Variants in FBXO16 observed in about 807,000 individuals in gnomAD.
FBXO16 encodes F-box protein 16.
Under a neutral mutation model 41.0 loss-of-function variants are expected in FBXO16, and 31 were observed. The ratio of observed to expected loss-of-function variants is 0.76; its 90% CI spans 0.57 to 1.02. The LOEUF is 1.02. Ranked by LOEUF, FBXO16 falls within the 50% of genes least tolerant of loss-of-function variation. The probability of loss-of-function intolerance (pLI) is 0.00; values close to 1 mark genes in which losing one functional copy is unlikely to be tolerated. For missense variants in FBXO16, 361 were observed against 346.2 expected, an observed-to-expected ratio of 1.04 and a Z score of -0.34; for synonymous variants, 133 against 117.8, an observed-to-expected ratio of 1.13 and a Z score of -0.84.
At position 28,484,661 on chromosome 8, in the gene FBXO16, G is replaced by A. The variant is rs1291147411; in HGVS notation, c.-16-1199C>T. 3.9e-5 allele frequency among the ~76,000 whole-genome samples: 6 copies of A among 152,156 alleles called. No individual in the cohort carries two copies. In the South Asian group the frequency reaches 1.0e-3, roughly 26 times the overall value. ...GGCTGGAGGGCAGTAGTACGATCTC[G>A]GCTCACTGCAAGCTCCGCCTTCCGG... On this transcript the variant is annotated intron_variant, in intron 1 of 8. Transcript: ENST00000380254.
intron 7 of FBXO16, among the ~76,000 whole-genome samples, chr8:28,433,086 AAAC>A: frequency 7.1e-6 from 1 of 140,076 alleles, no homozygotes; most frequent in South Asian, 2.5e-4. Flanking sequence ...AACAAAAAAC[AAAC>A]AAACAAACAA....
intron 1 of FBXO16, 105 bp from the exon 2 acceptor site, chr8:28,483,567 C>A (rs1431069360): frequency 2.6e-6 from 2 of 768,598 alleles, no homozygotes; most frequent in African/African-American, 1.8e-5. Flanking sequence ...GCCTGTAATT[C>A]CAGCACTTTG....
At chr8:28,438,366 A>T (rs1802715632) in intron 7 of FBXO16, among the ~76,000 whole-genome samples, 1 of 152,106 alleles carries the variant, frequency 6.6e-6, no homozygotes, top group Non-Finnish European at 1.5e-5. Flanking sequence ...AGGAAGAGAA[A>T]AGACAAAGGG....
intron 8 of FBXO16, among the ~76,000 whole-genome samples, chr8:28,429,126 A>G (rs7833125): frequency 0.038 from 5,752 of 152,270 alleles, 288 homozygotes; most frequent in East Asian, 0.22. Context: ...GAGTATTGAC[A>G]TCATTCCCAT....
intron 1 of FBXO16, among the ~76,000 whole-genome samples, chr8:28,487,643 C>T (rs187600130): frequency 3.2e-3 from 493 of 152,082 alleles, no homozygotes; most frequent in African/African-American, 0.011. Flanking sequence ...GATCTGCCTA[C>T]CTTGGCTTCC....
intron 7 of FBXO16, among the ~76,000 whole-genome samples, chr8:28,437,193 C>A (rs374566721): frequency 5.9e-5 from 9 of 152,316 alleles, no homozygotes; most frequent in East Asian, 3.9e-4. Context: ...ATTTGTGTCA[C>A]ATATTTTGTG....
intron 7 of FBXO16, among the ~76,000 whole-genome samples, chr8:28,435,523 G>A (rs961404719): frequency 2.0e-5 from 3 of 152,076 alleles, no homozygotes; most frequent in Non-Finnish European, 2.9e-5. Flanking sequence ...GCAAAGAGGG[G>A]ATGCAGAGGG....
At chr8:28,483,084 C>T (rs545026235) in intron 2 of FBXO16, among the ~76,000 whole-genome samples, 9 of 152,034 alleles carry the variant, frequency 5.9e-5, no homozygotes, top group Admixed American at 4.6e-4. Context: ...AGAAAAATGG[C>T]GAGTGGGGTG....
At chr8:28,463,190 ATGTT>A (rs1408489447) in intron 4 of FBXO16, among the ~76,000 whole-genome samples, 6 of 146,434 alleles carry the variant, frequency 4.1e-5, no homozygotes, top group East Asian at 2.0e-4. Flanking sequence ...ATATGTGTGT[ATGTT>A]TGTGTATGTG....
At chr8:28,441,934 G>A (rs1318993950) in intron 7 of FBXO16, among the ~76,000 whole-genome samples, 292 of 122,392 alleles carry the variant, frequency 2.4e-3, no homozygotes, top group African/African-American at 0.013. Context: ...GTGTGTGTGT[G>A]TGTGTGTGTG....
rs769939024 is a variant in FBXO16, at chr8:28,452,231, T to C, written c.740+13A>G. On this transcript the variant is annotated intron_variant, in intron 6 of 8. Coordinates refer to ENST00000380254, the MANE Select transcript of FBXO16 (RefSeq NM_172366.4). ...AAAAACGAAGAAGTTGAGAAGAGCATGGAGCTTCTTACCCTTGCTGGACAG... is the reference window on the plus strand; with the variant it reads ...AAAAACGAAGAAGTTGAGAAGAGCACGGAGCTTCTTACCCTTGCTGGACAG... The C allele has an allele frequency of 1.3e-5, 21 of 1,606,096 alleles. No individual in the cohort carries two copies. In the Admixed American group the frequency reaches 3.0e-4, roughly 23 times the overall value.
chr8:28,464,948 G>A (rs190079922), intron 3 of FBXO16, among the ~76,000 whole-genome samples: 10 of 152,162 alleles, frequency 6.6e-5, no homozygotes, highest in African/African-American at 1.4e-4. Flanking sequence ...CACTGTGCCC[G>A]GCTATAAACA....
Position 28,441,692 on chromosome 8 carries a change from C to T in FBXO16, c.843+5479G>A, listed in dbSNP as rs7817705. The stretch of plus-strand genomic sequence containing the variant: ...TGGAGGTTGCAGTGAGCCGAGATCG[C>T]GCCATTGCACTCCAGCCTGGGCAAC... On this transcript the variant is annotated intron_variant, in intron 7 of 8. Transcript: ENST00000380254. Among the ~76,000 whole-genome samples, 902 of 147,400 alleles carry T rather than the reference C, an allele frequency of 6.1e-3. 12 individuals carry two copies. The highest frequency in any genetic ancestry group is 0.021 in the African/African-American group (851 of 39,938).
intron 3 of FBXO16, among the ~76,000 whole-genome samples, chr8:28,468,542 A>C (rs916691420): frequency 7.2e-5 from 11 of 152,338 alleles, no homozygotes; most frequent in Admixed American, 2.6e-4. Flanking sequence ...TAAAAGTTTC[A>C]AACAGGGCTG....
chr8:28,452,529 G>A lies in FBXO16; in HGVS notation c.508-53C>T, dbSNP rs1042924742. 3.7e-5 allele frequency: 57 copies of A among 1,555,484 alleles called. No individual in the cohort carries two copies. The East Asian group carries it at 8.8e-4, about 24-fold the overall frequency. On this transcript the variant is annotated intron_variant, in intron 5 of 8. Coordinates refer to ENST00000380254, the MANE Select transcript of FBXO16 (RefSeq NM_172366.4). ...CAAAACACTATAATACGCTGGGTGC[G>A]GTGGCTCACGCCTGTAATCCCAGCA...
At chr8:28,483,576 T>A (rs1266674008) in intron 1 of FBXO16, 114 bp from the exon 2 acceptor site, 2 of 712,404 alleles carry the variant, frequency 2.8e-6, no homozygotes, top group Non-Finnish European at 4.8e-6. Flanking sequence ...TCCAGCACTT[T>A]GGGAGGCTGA....
At chr8:28,467,393 T>C (rs17059134) in intron 3 of FBXO16, among the ~76,000 whole-genome samples, 32,784 of 152,132 alleles carry the variant, frequency 0.22, 4,505 homozygotes, top group East Asian at 0.52. Flanking sequence ...ATCAGAAATA[T>C]GTCAGCCTCG....
At chr8:28,440,987 T>C (rs887755466) in intron 7 of FBXO16, among the ~76,000 whole-genome samples, 1 of 152,218 alleles carries the variant, frequency 6.6e-6, no homozygotes, top group East Asian at 1.9e-4. Context: ...GCCCATCTCC[T>C]TGTTTTCTGT....
chr8:28,428,685 G>A lies in FBXO16; in HGVS notation c.*42C>T, dbSNP rs768223142. The A allele has an allele frequency of 6.4e-7, 1 of 1,574,580 alleles. No individual in the cohort carries two copies. The highest frequency in any genetic ancestry group is 1.2e-5 in the South Asian group (1 of 85,112). ...GGGAGTCCCACTGACTCAGGGGGAG[G>A]CCAGGCGAGATGAGCTGGAACTTTT... On this transcript the variant is annotated 3_prime_UTR_variant, in exon 9 of 9. Coordinates refer to ENST00000380254, the MANE Select transcript of FBXO16 (RefSeq NM_172366.4).
Sources: allele counts gnomAD v4.1 joint callset (sites outside exome capture counted in the v4.1 genomes callset), GRCh38; gene constraint gnomAD v4.1.1; transcripts MANE v1.5; gene names NCBI Gene and HGNC (gene_info 2026-07-23, HGNC 2026-07-21).